Variants in PREX1 observed in about 807,000 individuals in gnomAD.
PREX1 encodes the protein phosphatidylinositol 3,4,5-trisphosphate-dependent Rac exchanger 1 protein.
A neutral mutation model predicts 198.3 loss-of-function variants in PREX1; 41 were observed. That is an observed-to-expected ratio of 0.21 (90% CI 0.16 to 0.27). PREX1 has a LOEUF of 0.27. PREX1 is among the 10% of genes least tolerant of loss of function. The probability of loss-of-function intolerance (pLI) is 1.00; values close to 1 mark genes in which losing one functional copy is unlikely to be tolerated. For synonymous variants in PREX1, 843 were observed against 887.2 expected (o/e 0.95, Z 0.89); for missense variants, 1,620 against 2,200.7 (o/e 0.74, Z 5.28).
the PREX1 span, among the ~76,000 whole-genome samples, chr20:48,878,123 C>T: frequency 6.6e-6 from 1 of 151,828 alleles, no homozygotes; most frequent in East Asian, 1.9e-4. Flanking sequence ...ACAAAAAAAG[C>T]CCAAGTTCTT....
chr20:48,638,100 T>TAC (rs201276665), intron 30 of PREX1, among the ~76,000 whole-genome samples: 4 of 151,934 alleles, frequency 2.6e-5, no homozygotes, highest in Non-Finnish European at 5.9e-5. Context: ...CACGTATCCA[T>TAC]ACACACACAC....
chr20:48,661,889 T>A (rs985679134), intron 15 of PREX1, among the ~76,000 whole-genome samples: 2 of 152,056 alleles, frequency 1.3e-5, no homozygotes, highest in Non-Finnish European at 2.9e-5. Context: ...GAGGCAGGGC[T>A]GAGTATAAAC....
chr20:48,867,402 GC>G, the PREX1 span, among the ~76,000 whole-genome samples: 16 of 152,118 alleles, frequency 1.1e-4, no homozygotes, highest in Non-Finnish European at 1.6e-4. Flanking sequence ...ACCTTCGAGG[GC>G]CCCCCAGGGA....
intron 6 of PREX1, among the ~76,000 whole-genome samples, chr20:48,702,317 C>T (rs149867574): frequency 1.3e-5 from 2 of 152,234 alleles, no homozygotes; most frequent in African/African-American, 4.8e-5. Context: ...ACCAAGAGGA[C>T]CCAGGCAAGG....
Position 48,634,624 on chromosome 20 carries a change from T to C in PREX1, c.4267+52A>G. 4 of 1,581,168 alleles carry C rather than the reference T, an allele frequency of 2.5e-6. No homozygotes were observed. The Admixed American group carries it at 5.0e-5, about 20-fold the overall frequency. ...CAGGGTGACCCCAGAGAGCTGTCCC[T>C]TCCACCCCAGGACCCCACCTCTCAC... On this transcript the variant is annotated intron_variant, in intron 33 of 39. Coordinates refer to ENST00000371941, the MANE Select transcript of PREX1 (RefSeq NM_020820.4).
chr20:48,665,671 A>C (rs2089634281), intron 15 of PREX1, among the ~76,000 whole-genome samples: 1 of 152,228 alleles, frequency 6.6e-6, no homozygotes, highest in Non-Finnish European at 1.5e-5. Flanking sequence ...ATATATGTGA[A>C]GTGTCTAGAA....
In PREX1 at chr20:48,630,715, C is replaced by T. The variant is rs2089307070; in HGVS notation, c.4593+13G>A. 5 of 1,572,490 alleles carry T rather than the reference C, an allele frequency of 3.2e-6. No individual in the cohort carries two copies. Among genetic ancestry groups the T allele is most frequent in the African/African-American group, 1.4e-5 (1 of 73,974 alleles). ...GCCCAAGCTCCCTGCAGCAGGAGGG[C>T]ACGTGGACATACCTGGTCTATCTTT... On this transcript the variant is annotated intron_variant, in intron 36 of 39. Transcript: ENST00000371941.
intron 27 of PREX1, among the ~76,000 whole-genome samples, chr20:48,642,908 A>G (rs1019304238): frequency 2.0e-5 from 3 of 152,218 alleles, no homozygotes; most frequent in Non-Finnish European, 4.4e-5. Context: ...ATCTGTATCT[A>G]AAGTTCAACA....
At chr20:48,785,551 C>A (rs2090308117) in intron 1 of PREX1, among the ~76,000 whole-genome samples, 1 of 152,276 alleles carries the variant, frequency 6.6e-6, no homozygotes, top group Admixed American at 6.5e-5. Flanking sequence ...TCCACAGAGC[C>A]TGGCACCAGA....
intron 1 of PREX1, among the ~76,000 whole-genome samples, chr20:48,764,244 C>T (rs1429080417): frequency 6.6e-6 from 1 of 152,154 alleles, no homozygotes; most frequent in Non-Finnish European, 1.5e-5. Flanking sequence ...ACTTGCAGGA[C>T]AGAAAGGACC....
At chr20:48,826,858 C>G (rs962893882) in intron 1 of PREX1, among the ~76,000 whole-genome samples, 1 of 151,652 alleles carries the variant, frequency 6.6e-6, no homozygotes, top group South Asian at 2.1e-4. Context: ...GACTCCGTCT[C>G]AAAAAAAAAT....
At chr20:48,781,569 G>A (rs2090289863) in intron 1 of PREX1, among the ~76,000 whole-genome samples, 1 of 152,118 alleles carries the variant, frequency 6.6e-6, no homozygotes, top group East Asian at 1.9e-4. Flanking sequence ...TGAACTTGGT[G>A]CAGAGAAGAG....
intron 10 of PREX1, among the ~76,000 whole-genome samples, chr20:48,685,537 A>G (rs73911633): frequency 0.01 from 1,546 of 152,300 alleles, 22 homozygotes; most frequent in African/African-American, 0.035. Context: ...TGAGGTTCAG[A>G]GAGGTTAAGA....
At chr20:48,662,225 C>A (rs542807416) in intron 15 of PREX1, among the ~76,000 whole-genome samples, 1 of 152,330 alleles carries the variant, frequency 6.6e-6, no homozygotes, top group East Asian at 1.9e-4. Context: ...CAGGGGGCCG[C>A]TGGCTTCGAC....
intron 5 of PREX1, among the ~76,000 whole-genome samples, chr20:48,715,668 A>G (rs1443846310): frequency 2.6e-5 from 4 of 152,228 alleles, no homozygotes; most frequent in African/African-American, 9.6e-5. Context: ...ATAAGGACAC[A>G]ATATTTATCA....
chr20:48,661,246 C>G (rs1355856287), intron 15 of PREX1, among the ~76,000 whole-genome samples: 1 of 150,766 alleles, frequency 6.6e-6, no homozygotes, highest in South Asian at 2.1e-4. Flanking sequence ...ATGGAGAAAC[C>G]CTGTCTCCAC....
intron 3 of PREX1, among the ~76,000 whole-genome samples, chr20:48,742,724 G>A (rs183002725): frequency 2.6e-4 from 40 of 152,202 alleles, no homozygotes; most frequent in Admixed American, 2.4e-3. Context: ...TGAACTCCCC[G>A]TCCCCAGCCC....
intron 3 of PREX1, among the ~76,000 whole-genome samples, chr20:48,744,033 T>TGATG (rs1555840409): frequency 7.1e-6 from 1 of 140,638 alleles, no homozygotes; most frequent in South Asian, 2.4e-4. Flanking sequence ...ATGATGATGA[T>TGATG]GAGTTAACAG....
At chr20:48,628,202 C>T (rs1405905949) in intron 37 of PREX1, among the ~76,000 whole-genome samples, 1 of 152,218 alleles carries the variant, frequency 6.6e-6, no homozygotes, top group Non-Finnish European at 1.5e-5. Context: ...TCCCCGTCTG[C>T]AGAAGCCCTG....
Sources: gnomAD v4.1 joint callset for allele counts (sites outside exome capture counted in the v4.1 genomes callset) on GRCh38, gnomAD v4.1.1 for gene constraint, MANE v1.5 for transcripts, NCBI Gene and HGNC (gene_info 2026-07-23, HGNC 2026-07-21) for gene names.